The following ETF1 variants were observed in gnomAD, a reference collection of about 807,000 sequenced individuals.
ETF1 encodes the protein eukaryotic peptide chain release factor subunit 1.
Under a neutral mutation model 55.1 loss-of-function variants are expected in ETF1, and 4 were observed. The observed-to-expected ratio is 0.07, with a 90% CI of 0.04 to 0.17. The LOEUF (loss-of-function observed/expected upper bound fraction) is 0.17, where lower values mean the gene tolerates loss of function less well. Among genes scored for constraint, ETF1 ranks in the 10% least tolerant of loss-of-function variants. The pLI, the probability that ETF1 is intolerant of heterozygous loss-of-function variation, is 1.00. For synonymous variants in ETF1, 157 were observed against 182.3 expected (o/e 0.86, Z 1.12); for missense variants, 142 against 523.6 (o/e 0.27, Z 7.11).
intron 2 of ETF1, among the ~76,000 whole-genome samples, chr5:138,533,627 G>A (rs545637832): frequency 2.0e-5 from 3 of 152,122 alleles, no homozygotes; most frequent in Admixed American, 1.3e-4. Flanking sequence ...CAGTGGTTGC[G>A]GTGAGCCAAG....
chr5:138,537,103 G>T (rs75308082), intron 2 of ETF1, among the ~76,000 whole-genome samples: 1 of 152,126 alleles, frequency 6.6e-6, no homozygotes, highest in African/African-American at 2.4e-5. Flanking sequence ...CAGATACAAC[G>T]GCTGTTAGGA....
At chr5:138,524,243 C>T (rs1204187973) in intron 2 of ETF1, among the ~76,000 whole-genome samples, 1 of 151,128 alleles carries the variant, frequency 6.6e-6, no homozygotes, top group African/African-American at 2.4e-5. Context: ...ATTCCAGCTA[C>T]TTGGGAGTCT....
intron 2 of ETF1, among the ~76,000 whole-genome samples, chr5:138,521,805 C>CAAT (rs2127090783): frequency 6.6e-6 from 1 of 152,358 alleles, no homozygotes. Context: ...GCTGGGATTA[C>CAAT]AGGCGTGAGC....
intron 2 of ETF1, 40 bp from the exon 3 acceptor site, chr5:138,518,907 A>G (rs749108391): frequency 6.2e-7 from 1 of 1,602,200 alleles, no homozygotes; most frequent in Non-Finnish European, 8.5e-7. Flanking sequence ...TTTAAATATC[A>G]TGTAAGTAAA....
chr5:138,536,349 T>A (rs1038907839), intron 2 of ETF1, among the ~76,000 whole-genome samples: 1 of 152,102 alleles, frequency 6.6e-6, no homozygotes, highest in African/African-American at 2.4e-5. Flanking sequence ...AAATGTCAAG[T>A]CCTCTGAACC....
chr5:138,533,159 C>T lies in ETF1; in HGVS notation c.86+9674G>A, dbSNP rs376900625. 2.9e-4 allele frequency among the ~76,000 whole-genome samples: 44 copies of T among 151,836 alleles called. 1 individual carries two copies. The highest frequency in any genetic ancestry group is 8.0e-4 in the African/African-American group (33 of 41,356). On this transcript the variant is annotated intron_variant, in intron 2 of 10. Coordinates refer to ENST00000360541, the MANE Select transcript of ETF1 (RefSeq NM_004730.4). ...TTCACCATGTTGGCCAGACTGGTCT[C>T]GAACTCCTGACCTCTCCATCCACCT...
At chr5:138,541,752 A>G in intron 2 of ETF1, 1 of 262,370 alleles carries the variant, frequency 3.8e-6, no homozygotes. Context: ...ATAATGTTCC[A>G]AACACTTTTT....
intron 2 of ETF1, among the ~76,000 whole-genome samples, chr5:138,539,536 A>G (rs1766088465): frequency 6.6e-6 from 1 of 152,238 alleles, no homozygotes; most frequent in South Asian, 2.1e-4. Context: ...GTCTACCAAA[A>G]TAATTAACTG....
intron 2 of ETF1, among the ~76,000 whole-genome samples, chr5:138,534,115 A>T (rs574383498): frequency 6.6e-6 from 1 of 152,316 alleles, no homozygotes; most frequent in South Asian, 2.1e-4. Flanking sequence ...ACTTACTGAG[A>T]CATTACAGCA....
chr5:138,515,602 C>G (rs1402518465), intron 4 of ETF1, among the ~76,000 whole-genome samples: 2 of 152,154 alleles, frequency 1.3e-5, no homozygotes, highest in Non-Finnish European at 2.9e-5. Flanking sequence ...ATATAACCCT[C>G]TCAGTTAAAG....
chr5:138,542,899 G>A lies in ETF1; in HGVS notation c.20C>T (p.Ala7Val), dbSNP rs1461003997. MADDPS[A>V]ADRNVEIWKI... ...CCAGATCTCCACGTTCCTGTCGGCA[G>A]CACTGGGGTCGTCCGCCATCTTCTC... The change falls in exon 2 of 11, where the codon GCT becomes GTT. Residue 7 changes from alanine (A) to valine (V), a missense_variant. Ala to Val is a moderately conservative substitution (Grantham distance 64). Around this residue, in one of 5 missense-constraint regions of ETF1, gnomAD observed 13 missense variants for 16.9 expected, o/e 0.77. Coordinates refer to ENST00000360541, the MANE Select transcript of ETF1 (RefSeq NM_004730.4). 4.3e-6 allele frequency: 7 copies of A among 1,613,726 alleles called. No homozygotes were observed. The highest frequency in any genetic ancestry group is 5.1e-6 in the Non-Finnish European group (6 of 1,179,918).
intron 2 of ETF1, among the ~76,000 whole-genome samples, chr5:138,532,241 C>T (rs1561843329): frequency 6.6e-6 from 1 of 152,064 alleles, no homozygotes. Flanking sequence ...ATTTGCAAAA[C>T]TAAGTTTAAA....
chr5:138,513,504 C>T (rs1033488758), intron 5 of ETF1, 64 bp downstream of exon 5: 17 of 1,393,134 alleles, frequency 1.2e-5, no homozygotes, highest in Middle Eastern at 2.5e-4. Flanking sequence ...GCACCCGGCC[C>T]ACCATACTGT....
At chr5:138,519,172 G>C (rs548549952) in intron 2 of ETF1, 3 of 984,942 alleles carry the variant, frequency 3.0e-6, no homozygotes, top group African/African-American at 3.5e-5. Context: ...GATAAATAAG[G>C]AGTGTCAACA....
chr5:138,523,212 C>T (rs1362093330), intron 2 of ETF1, among the ~76,000 whole-genome samples: 1 of 150,504 alleles, frequency 6.6e-6, no homozygotes, highest in African/African-American at 2.4e-5. Context: ...ACTAAAAATA[C>T]AAAAATTAGC....
At chr5:138,541,937 C>G (rs1292136633) in intron 2 of ETF1, among the ~76,000 whole-genome samples, 1 of 152,098 alleles carries the variant, frequency 6.6e-6, no homozygotes, top group African/African-American at 2.4e-5. Flanking sequence ...ACTCTCCCCC[C>G]AATGGACACA....
intron 8 of ETF1, 36 bp downstream of exon 8, chr5:138,511,009 G>A (rs1289152676): frequency 1.2e-6 from 2 of 1,602,730 alleles, no homozygotes; most frequent in African/African-American, 1.3e-5. Context: ...TCCTGGCTCA[G>A]TAACAAATAG....
At chr5:138,527,830 T>C (rs923385424) in intron 2 of ETF1, among the ~76,000 whole-genome samples, 4 of 152,058 alleles carry the variant, frequency 2.6e-5, no homozygotes, top group Non-Finnish European at 5.9e-5. Flanking sequence ...AGGAGTGCAG[T>C]GGCACGATGT....
intron 2 of ETF1, among the ~76,000 whole-genome samples, chr5:138,537,521 T>C (rs1394144058): frequency 2.0e-5 from 3 of 152,200 alleles, no homozygotes; most frequent in African/African-American, 7.2e-5. Context: ...TATTCATCTC[T>C]TCTCACAAAA....
Sources: allele counts gnomAD v4.1 joint callset (sites outside exome capture counted in the v4.1 genomes callset), GRCh38; gene constraint gnomAD v4.1.1; regional missense constraint gnomAD v4.1.1; transcripts MANE v1.5; gene names NCBI Gene and HGNC (gene_info 2026-07-23, HGNC 2026-07-21).